Variants in STARD13 observed in about 807,000 individuals in gnomAD.
STARD13 encodes StAR related lipid transfer domain containing 13, also known as stAR-related lipid transfer protein 13.
Under a neutral mutation model 106.4 loss-of-function variants are expected in STARD13, and 62 were observed. The observed-to-expected ratio is 0.58, with a 90% confidence interval of 0.48 to 0.72. STARD13 has a LOEUF of 0.72. Among genes scored for constraint, STARD13 ranks in the 30% least tolerant of loss-of-function variants. STARD13 has a pLI of 0.00. For synonymous variants in STARD13, 565 were observed against 553.0 expected (o/e 1.02, Z -0.31); for missense variants, 1,387 against 1,424.0 (o/e 0.97, Z 0.42).
At chr13:33,487,350 G>A in the STARD13 span, among the ~76,000 whole-genome samples, 1 of 152,214 alleles carries the variant, frequency 6.6e-6, no homozygotes, top group South Asian at 2.1e-4. Flanking sequence ...AGTTAGTCCA[G>A]TTTTCACAAT....
the STARD13 span, among the ~76,000 whole-genome samples, chr13:33,370,565 G>T: frequency 1.4e-4 from 21 of 150,806 alleles, no homozygotes; most frequent in East Asian, 4.1e-3. Flanking sequence ...TTTTCTGAAT[G>T]TCACTCTGCT....
chr13:33,159,776 A>G (rs1044332681), intron 3 of STARD13, among the ~76,000 whole-genome samples: 9 of 152,182 alleles, frequency 5.9e-5, no homozygotes, highest in African/African-American at 1.9e-4. Context: ...AAATTCTTAG[A>G]TACTATCAAT....
chr13:33,285,442 C>A lies in STARD13; in HGVS notation c.169+28G>T, dbSNP rs1892005865. ...TAGAGCCAACAGAAATCAGAATGAGCAACAGCCTTCCACTGCCGGCCACTC... is the reference window on the plus strand; with the variant it reads ...TAGAGCCAACAGAAATCAGAATGAGAAACAGCCTTCCACTGCCGGCCACTC... On this transcript the variant is annotated intron_variant, in intron 1 of 13. Coordinates refer to ENST00000336934, the MANE Select transcript of STARD13 (RefSeq NM_178006.4). The A allele has an allele frequency of 2.5e-6, 4 of 1,601,768 alleles. No individual in the cohort carries two copies. The East Asian group carries it at 6.7e-5, about 27-fold the overall frequency.
At chr13:33,331,197 CTCAT>C (rs1487642485) in intron 1 of STARD13, among the ~76,000 whole-genome samples, 1 of 152,162 alleles carries the variant, frequency 6.6e-6, no homozygotes, top group East Asian at 1.9e-4. Flanking sequence ...CAAATAATTC[CTCAT>C]GCTGCTCCGT....
chr13:33,175,378 CCAGA>C (rs1355215043), intron 1 of STARD13, among the ~76,000 whole-genome samples: 2 of 152,138 alleles, frequency 1.3e-5, no homozygotes, highest in African/African-American at 4.8e-5. Flanking sequence ...ACAGAGTTGA[CCAGA>C]CAATTAGATA....
chr13:33,267,005 T>G (rs1267232604), intron 1 of STARD13, among the ~76,000 whole-genome samples: 4 of 152,208 alleles, frequency 2.6e-5, no homozygotes, highest in Non-Finnish European at 5.9e-5. Flanking sequence ...TCTTAAATAT[T>G]TGTGATAAGT....
the STARD13 span, among the ~76,000 whole-genome samples, chr13:33,586,820 G>T: frequency 2.0e-5 from 3 of 152,082 alleles, no homozygotes; most frequent in Non-Finnish European, 4.4e-5. Context: ...CCTAACTTGG[G>T]TGAACCTATT....
At chr13:33,237,749 G>A (rs1566090900) in intron 1 of STARD13, among the ~76,000 whole-genome samples, 2 of 152,144 alleles carry the variant, frequency 1.3e-5, no homozygotes, top group African/African-American at 4.8e-5. Context: ...CTGATGTTCT[G>A]AGAAACACCA....
chr13:33,467,261 G>A, the STARD13 span, among the ~76,000 whole-genome samples: 1 of 151,878 alleles, frequency 6.6e-6, no homozygotes, highest in Non-Finnish European at 1.5e-5. Flanking sequence ...ACGGGAGACA[G>A]TGACAGGTCA....
At chr13:33,178,930 C>T (rs1317363757) in intron 1 of STARD13, among the ~76,000 whole-genome samples, 2 of 152,064 alleles carry the variant, frequency 1.3e-5, no homozygotes, top group South Asian at 4.2e-4. Context: ...TAATCAAAAG[C>T]AAAACATGAT....
chr13:33,168,329 A>G (rs74045696), intron 1 of STARD13, among the ~76,000 whole-genome samples: 3,227 of 152,280 alleles, frequency 0.021, 117 homozygotes, highest in African/African-American at 0.074. Context: ...GCCAAGCCCA[A>G]GAGGTTGATA....
At chr13:33,254,604 C>A (rs564863306) in intron 1 of STARD13, among the ~76,000 whole-genome samples, 5 of 152,126 alleles carry the variant, frequency 3.3e-5, no homozygotes, top group Non-Finnish European at 5.9e-5. Context: ...GCCTGCCATG[C>A]CCCCCTATCC....
At chr13:33,576,689 T>C in the STARD13 span, among the ~76,000 whole-genome samples, 1 of 152,260 alleles carries the variant, frequency 6.6e-6, no homozygotes, top group East Asian at 1.9e-4. Flanking sequence ...GTTACAAAAT[T>C]TGAGAGGAAA....
At chr13:33,199,126 C>T (rs1287547242) in intron 1 of STARD13, among the ~76,000 whole-genome samples, 2 of 152,206 alleles carry the variant, frequency 1.3e-5, no homozygotes, top group African/African-American at 4.8e-5. Context: ...TTACCTTCTA[C>T]TGAAATCTGT....
chr13:33,465,826 T>G, the STARD13 span, among the ~76,000 whole-genome samples: 46,174 of 151,968 alleles, frequency 0.3, 7,672 homozygotes, highest in Non-Finnish European at 0.39. Context: ...GTCTATTACA[T>G]TAACGAGATA....
At chr13:33,596,584 A>G in the STARD13 span, among the ~76,000 whole-genome samples, 1 of 152,204 alleles carries the variant, frequency 6.6e-6, no homozygotes, top group South Asian at 2.1e-4. Context: ...CCAAATTTGA[A>G]ACATATAATA....
intron 1 of STARD13, among the ~76,000 whole-genome samples, chr13:33,328,132 T>C (rs896567530): frequency 7.2e-5 from 11 of 152,228 alleles, no homozygotes; most frequent in Non-Finnish European, 1.6e-4. Context: ...AGTGTGAAAA[T>C]TGTTTTTCCA....
At chr13:33,457,543 A>G in the STARD13 span, among the ~76,000 whole-genome samples, 40 of 152,210 alleles carry the variant, frequency 2.6e-4, 1 homozygote, top group Non-Finnish European at 2.9e-5. Context: ...GAAACATCCA[A>G]TACACCTGTC....
the STARD13 span, among the ~76,000 whole-genome samples, chr13:33,474,184 C>T: frequency 6.6e-6 from 1 of 152,106 alleles, no homozygotes; most frequent in Non-Finnish European, 1.5e-5. Context: ...CGTATCCAGG[C>T]TTTTATGCTG....
Sources: allele counts gnomAD v4.1 joint callset (sites outside exome capture counted in the v4.1 genomes callset), GRCh38; gene constraint gnomAD v4.1.1; transcripts MANE v1.5; gene names NCBI Gene and HGNC (gene_info 2026-07-23, HGNC 2026-07-21).